Variants in MRPS28 observed in about 807,000 individuals in gnomAD.
MRPS28 encodes small ribosomal subunit protein bS1m.
Under a neutral mutation model 10.8 loss-of-function variants are expected in MRPS28, and 7 were observed. That is an observed-to-expected ratio of 0.65 (90% confidence interval 0.37 to 1.22). The LOEUF (loss-of-function observed/expected upper bound fraction) is 1.22, where lower values mean the gene tolerates loss of function less well. Among genes scored for constraint, MRPS28 ranks in the 50% most tolerant of loss-of-function variants. The pLI is 0.02. For synonymous variants in MRPS28, 121 were observed against 93.3 expected (o/e 1.30, Z -1.71); for missense variants, 265 against 232.9 (o/e 1.14, Z -0.90).
intron 1 of MRPS28, among the ~76,000 whole-genome samples, chr8:80,010,523 C>G (rs1308680867): frequency 1.3e-5 from 2 of 152,176 alleles, no homozygotes; most frequent in Non-Finnish European, 2.9e-5. Context: ...AGACACTACT[C>G]AGCTCCAGCT....
intron 2 of MRPS28, among the ~76,000 whole-genome samples, chr8:79,974,239 CAT>C (rs1660249177): frequency 6.6e-6 from 1 of 151,994 alleles, no homozygotes; most frequent in Non-Finnish European, 1.5e-5. Context: ...TCTTTCTAAA[CAT>C]ATACATATAA....
chr8:79,925,484 C>T (rs898534661), intron 2 of MRPS28, among the ~76,000 whole-genome samples: 2 of 152,026 alleles, frequency 1.3e-5, no homozygotes, highest in African/African-American at 4.8e-5. Context: ...TTAACCTTGC[C>T]GGGCTAGTAT....
At chr8:79,963,040 C>T (rs1414319917) in intron 2 of MRPS28, among the ~76,000 whole-genome samples, 4 of 152,040 alleles carry the variant, frequency 2.6e-5, no homozygotes, top group African/African-American at 9.7e-5. Context: ...GGATAAAACC[C>T]GCAGGCAAGC....
At chr8:79,970,817 T>G (rs1004250267) in intron 2 of MRPS28, among the ~76,000 whole-genome samples, 3 of 152,216 alleles carry the variant, frequency 2.0e-5, no homozygotes, top group Admixed American at 2.0e-4. Context: ...AAATAAAGTC[T>G]GTGGTTATTT....
chr8:79,976,039 A>G (rs1807787272), intron 2 of MRPS28, among the ~76,000 whole-genome samples: 1 of 151,958 alleles, frequency 6.6e-6, no homozygotes, highest in South Asian at 2.1e-4. Context: ...CCTACTTATG[A>G]GGCAGTATGC....
chr8:79,978,222 C>T (rs1365053845), intron 2 of MRPS28, among the ~76,000 whole-genome samples: 1 of 152,060 alleles, frequency 6.6e-6, no homozygotes, highest in Non-Finnish European at 1.5e-5. Context: ...TAGGGTGAAA[C>T]AAATTGCAAA....
chr8:79,976,321 G>A (rs546886848), intron 2 of MRPS28, among the ~76,000 whole-genome samples: 5 of 152,286 alleles, frequency 3.3e-5, no homozygotes, highest in African/African-American at 1.2e-4. Flanking sequence ...GACCTCAGGT[G>A]ATCTGCCTGC....
intron 2 of MRPS28, among the ~76,000 whole-genome samples, chr8:79,923,643 T>C (rs1052280291): frequency 9.2e-5 from 14 of 152,168 alleles, no homozygotes; most frequent in Non-Finnish European, 1.9e-4. Flanking sequence ...GCAAATAGGA[T>C]GTCTCCACTG....
chr8:79,968,716 T>TA (rs749304458), intron 2 of MRPS28, among the ~76,000 whole-genome samples: 3,897 of 135,214 alleles, frequency 0.029, 163 homozygotes, highest in African/African-American at 0.092. Context: ...AGACTCTGTC[T>TA]AAAAAAAAAA....
intron 1 of MRPS28, among the ~76,000 whole-genome samples, chr8:80,003,529 G>A (rs932786543): frequency 3.3e-5 from 5 of 152,172 alleles, no homozygotes; most frequent in African/African-American, 1.2e-4. Flanking sequence ...TTCCAAGATG[G>A]CCGAATAGGA....
chr8:80,005,415 C>A (rs1309095141), intron 1 of MRPS28, among the ~76,000 whole-genome samples: 2 of 152,062 alleles, frequency 1.3e-5, no homozygotes, highest in Non-Finnish European at 2.9e-5. Context: ...GAAATAAAAT[C>A]CTTTACAGAC....
intron 1 of MRPS28, among the ~76,000 whole-genome samples, chr8:80,019,402 G>A (rs1727910203): frequency 6.7e-6 from 1 of 150,236 alleles, no homozygotes; most frequent in African/African-American, 2.5e-5. Flanking sequence ...AAAATCACAT[G>A]GTCGTATTTC....
At position 80,007,719 on chromosome 8, in the gene MRPS28, C is replaced by T. The variant is rs577892428; in HGVS notation, c.214-4539G>A. On this transcript the variant is annotated intron_variant, in intron 1 of 2. Transcript: ENST00000276585. Reference sequence around the variant, plus strand: ...ACCTAGGAATCCAACTTACAAGGGACGTGAAGGACCTCTTCAAGGAGAACT... The same window carrying T: ...ACCTAGGAATCCAACTTACAAGGGATGTGAAGGACCTCTTCAAGGAGAACT... Among the ~76,000 whole-genome samples, 1,027 of 152,012 alleles carry T rather than the reference C, an allele frequency of 6.8e-3. 9 individuals are homozygous for T. The highest frequency in any genetic ancestry group is 0.022 in the African/African-American group (933 of 41,470).
intron 2 of MRPS28, among the ~76,000 whole-genome samples, chr8:79,949,456 T>C (rs1306014490): frequency 6.6e-6 from 1 of 151,528 alleles, no homozygotes; most frequent in Non-Finnish European, 1.5e-5. Flanking sequence ...AAAACTAATC[T>C]GCTTTTGGGC....
chr8:80,022,394 G>A (rs1054547980), intron 1 of MRPS28, among the ~76,000 whole-genome samples: 1 of 152,208 alleles, frequency 6.6e-6, no homozygotes, highest in Non-Finnish European at 1.5e-5. Context: ...AAATGAAGCT[G>A]TTAGGAACAT....
intron 2 of MRPS28, among the ~76,000 whole-genome samples, chr8:80,000,489 G>T (rs1006839201): frequency 6.6e-6 from 1 of 152,114 alleles, no homozygotes; most frequent in African/African-American, 2.4e-5. Flanking sequence ...CCCTCAAAAA[G>T]CTTTTATGAC....
intron 2 of MRPS28, among the ~76,000 whole-genome samples, chr8:79,948,280 CCCAG>C (rs1241287821): frequency 6.6e-6 from 1 of 152,148 alleles, no homozygotes; most frequent in Non-Finnish European, 1.5e-5. Flanking sequence ...AGCCACTGTG[CCCAG>C]CCAAATTTTT....
intron 1 of MRPS28, among the ~76,000 whole-genome samples, chr8:80,012,299 A>G (rs1302606050): frequency 6.6e-6 from 1 of 152,226 alleles, no homozygotes; most frequent in Non-Finnish European, 1.5e-5. Context: ...AAGCTACATC[A>G]AACAATCAGA....
intron 2 of MRPS28, among the ~76,000 whole-genome samples, chr8:79,978,256 T>A (rs1165191972): frequency 6.6e-6 from 1 of 152,228 alleles, no homozygotes; most frequent in Non-Finnish European, 1.5e-5. Flanking sequence ...TGAACTAGGC[T>A]TATACTTAAT....
Sources: gnomAD v4.1 joint callset for allele counts (sites outside exome capture counted in the v4.1 genomes callset) on GRCh38, gnomAD v4.1.1 for gene constraint, MANE v1.5 for transcripts, NCBI Gene and HGNC (gene_info 2026-07-23, HGNC 2026-07-21) for gene names.